The following OR6N1 variants were observed in gnomAD, a reference collection of about 807,000 sequenced individuals.
OR6N1 encodes the protein olfactory receptor family 6 subfamily N member 1, also known as olfactory receptor 6N1.
For synonymous variants in OR6N1, 170 were observed against 150.7 expected, an observed-to-expected ratio of 1.13 and a Z score of -0.94; for missense variants, 394 against 371.7, an observed-to-expected ratio of 1.06 and a Z score of -0.49.
the OR6N1 span, among the ~76,000 whole-genome samples, chr1:158,838,718 A>ACT: frequency 3.3e-5 from 5 of 152,152 alleles, no homozygotes; most frequent in Non-Finnish European, 7.4e-5. Flanking sequence ...TACATAATGC[A>ACT]TATATTGTCC....
chr1:158,837,072 T>A, the OR6N1 span, among the ~76,000 whole-genome samples: 1 of 151,882 alleles, frequency 6.6e-6, no homozygotes, highest in South Asian at 2.1e-4. Context: ...TCTGTATGAT[T>A]TCAAACGTTT....
At chr1:158,774,596 C>A (rs575150159), upstream of OR6N1, 8 of 152,210 alleles carry the variant, frequency 5.3e-5, no homozygotes, top group East Asian at 1.5e-3. Flanking sequence ...CCTAGCAATC[C>A]TATACTTATG....
upstream of OR6N1, among the ~76,000 whole-genome samples, chr1:158,773,303 G>C (rs2102011782): frequency 1.3e-5 from 2 of 152,076 alleles, no homozygotes; most frequent in South Asian, 4.1e-4. Context: ...TAGAGTTTAA[G>C]TAATAATTTT....
the OR6N1 span, among the ~76,000 whole-genome samples, chr1:158,785,554 C>G: frequency 6.6e-6 from 1 of 152,128 alleles, no homozygotes; most frequent in African/African-American, 2.4e-5. Flanking sequence ...ATTTTTCTCC[C>G]CAAAGTGTAT....
the OR6N1 span, among the ~76,000 whole-genome samples, chr1:158,793,625 C>G: frequency 2.0e-5 from 3 of 152,138 alleles, no homozygotes; most frequent in South Asian, 2.1e-4. Context: ...GGTGTGTAAG[C>G]AGGTTCACTG....
the OR6N1 span, among the ~76,000 whole-genome samples, chr1:158,814,990 G>GT: frequency 6.6e-6 from 1 of 152,154 alleles, no homozygotes; most frequent in African/African-American, 2.4e-5. Context: ...GAGATCAGGT[G>GT]TTTAGCACAC....
At chr1:158,816,932 G>A in the OR6N1 span, among the ~76,000 whole-genome samples, 6 of 152,220 alleles carry the variant, frequency 3.9e-5, no homozygotes, top group Non-Finnish European at 5.9e-5. Context: ...AAGAGAACGC[G>A]GCTGAGAAAG....
chr1:158,766,702 T>C lies in OR6N1; in HGVS notation c.-18-2A>G. The C allele has an allele frequency of 6.4e-7, 1 of 1,572,774 alleles. No individual in the cohort carries two copies. Among genetic ancestry groups the C allele is most frequent in the Non-Finnish European group, 8.7e-7 (1 of 1,153,584 alleles). On this transcript the variant is annotated splice_acceptor_variant, in intron 1 of 1. Coordinates refer to ENST00000641846, the MANE Select transcript of OR6N1 (RefSeq NM_001005185.2). LOFTEE classifies it low-confidence loss of function (5UTR_SPLICE). ...GTCCATTGCTCACCATTCATGTCCCTAGATGTGAAGTGTGGAAGGATAGGA... is the reference window on the plus strand; with the variant it reads ...GTCCATTGCTCACCATTCATGTCCCCAGATGTGAAGTGTGGAAGGATAGGA...
At chr1:158,770,172 C>T (rs1437871803) in intron 1 of OR6N1, among the ~76,000 whole-genome samples, 2 of 152,156 alleles carry the variant, frequency 1.3e-5, no homozygotes, top group African/African-American at 4.8e-5. Context: ...ATATGAGAAG[C>T]CAGTATTTTG....
chr1:158,794,221 C>T, the OR6N1 span, among the ~76,000 whole-genome samples: 1 of 152,124 alleles, frequency 6.6e-6, no homozygotes, highest in East Asian at 1.9e-4. Context: ...AGAAAAGTCC[C>T]CTTCTCCTAC....
the OR6N1 span, chr1:158,831,550 C>T: frequency 1.3e-5 from 2 of 152,182 alleles, no homozygotes; most frequent in East Asian, 1.9e-4. Context: ...GAAGAAGCAT[C>T]CATTAAGGTG....
At chr1:158,802,958 T>C in the OR6N1 span, among the ~76,000 whole-genome samples, 1 of 152,176 alleles carries the variant, frequency 6.6e-6, no homozygotes, top group Non-Finnish European at 1.5e-5. Flanking sequence ...TGTACTTAGA[T>C]GGATATGGAG....
At chr1:158,827,252 A>T in the OR6N1 span, among the ~76,000 whole-genome samples, 6 of 152,208 alleles carry the variant, frequency 3.9e-5, no homozygotes, top group Non-Finnish European at 8.8e-5. Context: ...AGTTGGAACA[A>T]ATAACAAGCT....
chr1:158,782,808 G>C, the OR6N1 span, among the ~76,000 whole-genome samples: 1 of 134,704 alleles, frequency 7.4e-6, no homozygotes, highest in Non-Finnish European at 1.6e-5. Context: ...TTATTAAGTG[G>C]TATTTTTTTT....
chr1:158,766,766 C>G, intron 1 of OR6N1, 66 bp from the exon 2 acceptor site: 3 of 960,184 alleles, frequency 3.1e-6, no homozygotes, highest in Non-Finnish European at 4.6e-6. Context: ...AGAAGGCAAC[C>G]CTCAAATTAC....
At chr1:158,819,677 C>A in the OR6N1 span, among the ~76,000 whole-genome samples, 1 of 152,080 alleles carries the variant, frequency 6.6e-6, no homozygotes, top group African/African-American at 2.4e-5. Context: ...TTTAAAGTGT[C>A]ATTTCCTTTT....
In OR6N1 at chr1:158,766,266, T is replaced by C; in HGVS notation, c.417A>G (p.Thr139=). The change falls in exon 2 of 2, where the codon ACA becomes ACG. Residue 139 remains threonine, a synonymous_variant. Transcript: ENST00000641846. ...AGCCAATGGCAATCTCTGCACAAAG[T>C]GTTGGGGTCATGAGGGTTGGGTAGT... ...PLHYPTLMTP[T]LCAEIAIGCW... 6.2e-7 allele frequency: 1 copy of C among 1,613,694 alleles called. No individual in the cohort carries two copies. The highest frequency in any genetic ancestry group is 8.5e-7 in the Non-Finnish European group (1 of 1,179,924).
At chr1:158,779,117 T>A in the OR6N1 span, among the ~76,000 whole-genome samples, 1 of 151,428 alleles carries the variant, frequency 6.6e-6, no homozygotes, top group African/African-American at 2.4e-5. Flanking sequence ...TAAATACAGG[T>A]GAAGAGTATA....
In OR6N1 at chr1:158,766,323, G is replaced by T. The variant is rs374981578; in HGVS notation, c.360C>A (p.Tyr120Ter). 1.9e-6 allele frequency: 3 copies of T among 1,614,100 alleles called. No homozygotes were observed. In the East Asian group the frequency reaches 6.7e-5, roughly 36 times the overall value. Residue 120 changes from tyrosine to a stop codon, truncating the protein, a stop_gained, in exon 2 of 2, where the codon TAC (tyrosine) becomes TAA (stop). Transcript: ENST00000641846. LOFTEE classifies it low-confidence loss of function (END_TRUNC). ...GCCGGCAGATGGCTAAATACCTATC[G>T]TAGGCCATAGCTGTCAGGAGATAGC... ...TECYLLTAMA[Y>*]DRYLAICRPL...
Sources: gnomAD v4.1 joint callset for allele counts (sites outside exome capture counted in the v4.1 genomes callset) on GRCh38, gnomAD v4.1.1 for gene constraint, MANE v1.5 for transcripts, NCBI Gene and HGNC (gene_info 2026-07-23, HGNC 2026-07-21) for gene names.